Variants in PEAK1 observed in about 807,000 individuals in gnomAD.
The protein encoded by PEAK1 is pseudopodium enriched atypical kinase 1.
A neutral mutation model predicts 124.7 loss-of-function variants in PEAK1; 54 were observed. That is an observed-to-expected ratio of 0.43 (90% CI 0.35 to 0.54). The LOEUF is 0.54. Among genes scored for constraint, PEAK1 ranks in the 20% least tolerant of loss-of-function variants. PEAK1 has a pLI of 0.01. For missense variants in PEAK1, 2,046 were observed against 2,134.5 expected (o/e 0.96, Z 0.82); for synonymous variants, 719 against 760.0 (o/e 0.95, Z 0.89).
At chr15:77,213,368 T>A (rs1197818268) in intron 6 of PEAK1, among the ~76,000 whole-genome samples, 1 of 152,138 alleles carries the variant, frequency 6.6e-6, no homozygotes, top group African/African-American at 2.4e-5. Context: ...CATTTCTACA[T>A]GGCTTCCAGT....
chr15:77,372,831 G>T (rs911700260), intron 1 of PEAK1, among the ~76,000 whole-genome samples: 1 of 151,960 alleles, frequency 6.6e-6, no homozygotes, highest in African/African-American at 2.4e-5. Flanking sequence ...GTTCTCACAA[G>T]ATCTGGTTGT....
intron 2 of PEAK1, chr15:77,349,669 A>G: frequency 2.0e-6 from 2 of 984,752 alleles, no homozygotes; most frequent in Non-Finnish European, 2.4e-6. Flanking sequence ...TTACTTAATC[A>G]ATCCTTTACA....
In PEAK1 at chr15:77,179,764, C is replaced by T; in HGVS notation, c.2163G>A (p.Gln721=). ...NCLNRGQSSP[Q]RSYSSSHSSP... is the part of the protein sequence containing the mutation. ...AGCTGTGGCTGGAACTATAGCTTCT[C>T]TGTGGTGAAGACTGACCTCTGTTGA... The change falls in exon 7 of 10, where the codon CAG becomes CAA. Residue 721 remains glutamine (Q), a synonymous_variant. Coordinates refer to ENST00000682557, the MANE Select transcript of PEAK1 (RefSeq NM_001385026.1). The T allele has an allele frequency of 6.2e-7, 1 of 1,614,122 alleles. No homozygotes were observed.
At chr15:77,355,790 T>A in intron 2 of PEAK1, 1 of 985,354 alleles carries the variant, frequency 1.0e-6, no homozygotes, top group Non-Finnish European at 1.2e-6. Context: ...TTTACCTCGA[T>A]TCCAATTCCT....
chr15:77,244,492 A>G (rs1378401320), intron 6 of PEAK1, among the ~76,000 whole-genome samples: 1 of 152,024 alleles, frequency 6.6e-6, no homozygotes, highest in African/African-American at 2.4e-5. Context: ...GAATATAGGT[A>G]TTTACTGCCC....
intron 6 of PEAK1, among the ~76,000 whole-genome samples, chr15:77,214,529 C>A (rs1190203779): frequency 6.7e-6 from 1 of 150,174 alleles, no homozygotes; most frequent in East Asian, 2.0e-4. Flanking sequence ...GAGGCTGAGG[C>A]AGGAGAATGG....
intron 5 of PEAK1, among the ~76,000 whole-genome samples, chr15:77,259,460 AAAAT>A (rs1181805672): frequency 6.6e-6 from 1 of 152,190 alleles, no homozygotes; most frequent in African/African-American, 2.4e-5. Context: ...TCTGATTTGA[AAAAT>A]AAATAATAGT....
intron 5 of PEAK1, among the ~76,000 whole-genome samples, chr15:77,265,306 A>C (rs962831881): frequency 6.6e-6 from 1 of 152,254 alleles, no homozygotes; most frequent in East Asian, 1.9e-4. Flanking sequence ...ACTACCAACA[A>C]AGTGAATAGA....
chr15:77,292,117 G>C (rs1241717787), intron 2 of PEAK1, among the ~76,000 whole-genome samples: 1 of 152,072 alleles, frequency 6.6e-6, no homozygotes, highest in Non-Finnish European at 1.5e-5. Flanking sequence ...CACACACAAT[G>C]ATTCTTGTTA....
chr15:77,365,142 T>C lies in PEAK1; in HGVS notation c.-603+21A>G, dbSNP rs969312931. On this transcript the variant is annotated intron_variant, in intron 2 of 9. Transcript: ENST00000682557. ...TATAAAATATATATTAAAAGGCAAA[T>C]GAATTCATAAATTATCTCACCTTTG... 19 of 874,010 alleles carry C rather than the reference T, an allele frequency of 2.2e-5. No homozygotes were observed. In the African/African-American group the frequency reaches 3.5e-4, roughly 16 times the overall value. The allele number at this position is 874,010 out of a possible 1,614,324, so 54.1% of individuals were successfully genotyped here.
chr15:77,282,041 A>G (rs1208915152), intron 5 of PEAK1, among the ~76,000 whole-genome samples: 1 of 152,234 alleles, frequency 6.6e-6, no homozygotes, highest in Admixed American at 6.5e-5. Flanking sequence ...AGAAAAAACC[A>G]ATCAATATTT....
At chr15:77,401,717 C>T in intron 1 of PEAK1, 1 of 984,786 alleles carries the variant, frequency 1.0e-6, no homozygotes, top group Non-Finnish European at 1.2e-6. Flanking sequence ...GCATGAAATG[C>T]AATTTGGTAT....
intron 2 of PEAK1, among the ~76,000 whole-genome samples, chr15:77,360,641 TGG>T (rs2067830932): frequency 6.6e-6 from 1 of 152,154 alleles, no homozygotes; most frequent in Admixed American, 6.5e-5. Flanking sequence ...TCTTTATAGG[TGG>T]GTTAGTAGGA....
At chr15:77,408,080 T>TAC (rs1555504168) in intron 1 of PEAK1, among the ~76,000 whole-genome samples, 2 of 141,484 alleles carry the variant, frequency 1.4e-5, no homozygotes, top group Non-Finnish European at 3.2e-5. Context: ...TATACATATA[T>TAC]ACACATATAT....
At chr15:77,306,298 T>G (rs1361322457) in intron 2 of PEAK1, among the ~76,000 whole-genome samples, 1 of 152,178 alleles carries the variant, frequency 6.6e-6, no homozygotes, top group East Asian at 1.9e-4. Context: ...TCTTAAACAA[T>G]TCAAGTTCTA....
intron 5 of PEAK1, among the ~76,000 whole-genome samples, chr15:77,258,737 C>T (rs951754189): frequency 2.6e-5 from 4 of 152,164 alleles, no homozygotes; most frequent in African/African-American, 9.7e-5. Flanking sequence ...TGCCTGATTG[C>T]CCTGGCCAGA....
chr15:77,363,612 A>G (rs986994597), intron 2 of PEAK1, among the ~76,000 whole-genome samples: 1 of 152,164 alleles, frequency 6.6e-6, no homozygotes, highest in Non-Finnish European at 1.5e-5. Flanking sequence ...GCACTTTCTC[A>G]GCTTTAACTT....
At chr15:77,334,559 C>T (rs2066079867) in intron 2 of PEAK1, 2 of 985,324 alleles carry the variant, frequency 2.0e-6, no homozygotes, top group Non-Finnish European at 2.4e-6. Flanking sequence ...TTCTCTATAC[C>T]TCCATCAACT....
At chr15:77,116,694 A>C (rs905583197) in intron 9 of PEAK1, among the ~76,000 whole-genome samples, 2 of 137,822 alleles carry the variant, frequency 1.5e-5, no homozygotes, top group Admixed American at 7.7e-5. Context: ...TGCCATGGAA[A>C]TCAATCAATC....
Sources: gnomAD v4.1 joint callset for allele counts (sites outside exome capture counted in the v4.1 genomes callset) on GRCh38, gnomAD v4.1.1 for gene constraint, MANE v1.5 for transcripts, NCBI Gene and HGNC (gene_info 2026-07-23, HGNC 2026-07-21) for gene names.